Variants in ALG1 observed in about 807,000 individuals in gnomAD.
ALG1 encodes the protein chitobiosyldiphosphodolichol beta-mannosyltransferase.
In ALG1, 58 loss-of-function variants were observed where a neutral mutation model predicts 55.1. The observed-to-expected ratio is 1.05, with a 90% CI of 0.85 to 1.31. The LOEUF is 1.31. Ranked by LOEUF, ALG1 falls within the 50% of genes most tolerant of loss-of-function variation. The pLI is 0.00. For missense variants in ALG1, 761 were observed against 598.6 expected (o/e 1.27, Z -2.83); for synonymous variants, 309 against 247.0 (o/e 1.25, Z -2.35).
intron 8 of ALG1, among the ~76,000 whole-genome samples, chr16:5,079,525 C>A (rs1307043947): frequency 6.6e-6 from 1 of 152,142 alleles, no homozygotes; most frequent in African/African-American, 2.4e-5. Context: ...CCTGTCTCTA[C>A]TAAAAATACA....
chr16:5,071,843 A>G lies in ALG1; in HGVS notation c.-7A>G, dbSNP rs1464960632. Reference sequence around the variant, plus strand: ...CGCGGTCACGTGACTGCTGCGGGCCAGCCAAGATGGCGGCCTCATGCTTGG... The same window carrying G: ...CGCGGTCACGTGACTGCTGCGGGCCGGCCAAGATGGCGGCCTCATGCTTGG... On this transcript the variant is annotated 5_prime_UTR_variant, in exon 1 of 13. Coordinates refer to ENST00000262374, the MANE Select transcript of ALG1 (RefSeq NM_019109.5). The G allele has an allele frequency of 9.4e-6, 15 of 1,603,326 alleles. No individual in the cohort carries two copies. Among genetic ancestry groups the G allele is most frequent in the Admixed American group, 1.7e-5 (1 of 59,872 alleles).
intron 4 of ALG1, among the ~76,000 whole-genome samples, chr16:5,076,661 TAGG>T (rs1407261607): frequency 6.6e-6 from 1 of 152,242 alleles, no homozygotes; most frequent in Non-Finnish European, 1.5e-5. Flanking sequence ...CAGTCTCCGT[TAGG>T]AGAGAATGTG....
Position 5,073,239 on chromosome 16 carries a change from G to T in ALG1, c.373G>T (p.Ala125Ser), listed in dbSNP as rs201490870. 1 of 1,614,142 alleles carries T rather than the reference G, an allele frequency of 6.2e-7. No homozygotes were observed. The highest frequency in any genetic ancestry group is 1.3e-5 in the African/African-American group (1 of 75,054). Residue 125 changes from alanine (A) to serine (S), a missense_variant, in exon 3 of 13, where the codon GCC (alanine) becomes TCC (serine). Coordinates refer to ENST00000262374, the MANE Select transcript of ALG1 (RefSeq NM_019109.5). ...GAAGTTGATGTGGAGGGAGCCAGGT[G>T]CCTATATCTTTCTCCAGGTGTGTAT... is the stretch of plus-strand genomic sequence containing the variant. ...LWKLMWREPGAYIFLQNPPGL... is the reference protein window; with the variant it reads ...LWKLMWREPGSYIFLQNPPGL...
At chr16:5,079,268 T>C (rs1236941263) in intron 8 of ALG1, among the ~76,000 whole-genome samples, 166 bp downstream of exon 8, 3 of 152,194 alleles carry the variant, frequency 2.0e-5, no homozygotes, top group Admixed American at 6.5e-5. Flanking sequence ...AGTTGGGTCA[T>C]TGAGTGACCA....
intron 3 of ALG1, among the ~76,000 whole-genome samples, chr16:5,074,373 C>G (rs1956870871): frequency 6.6e-6 from 1 of 152,140 alleles, no homozygotes; most frequent in African/African-American, 2.4e-5. Flanking sequence ...TGGTCTTGAA[C>G]TCCTGACCTC....
In ALG1 at chr16:5,085,778, A is replaced by C; in HGVS notation, c.*897A>C. On this transcript the variant is annotated 3_prime_UTR_variant, in exon 13 of 13. Transcript: ENST00000262374. ...TTTGAGGATGGCGGTGTTTGGGGAC[A>C]GGACATGAGGGTATTGTGTGGGGCT... 7.0e-7 allele frequency: 1 copy of C among 1,426,122 alleles called. No individual in the cohort carries two copies. Among genetic ancestry groups the C allele is most frequent in the Non-Finnish European group, 9.9e-7 (1 of 1,010,732 alleles). 88.3% of individuals were successfully genotyped at this position (1,426,122 alleles called of 1,614,324 possible). A position where few individuals can be genotyped will look rare whatever the true frequency, so the allele number is the denominator to read the frequency against.
chr16:5,080,336 A>G (rs1956995542), intron 9 of ALG1, among the ~76,000 whole-genome samples: 1 of 152,162 alleles, frequency 6.6e-6, no homozygotes, highest in South Asian at 2.1e-4. Flanking sequence ...ATATGCTGGA[A>G]TTACAGGCAC....
At position 5,078,833 on chromosome 16, in the gene ALG1, C is replaced by T. The variant is rs142044791; in HGVS notation, c.817C>T (p.Leu273Phe). Residue 273 changes from leucine (L) to phenylalanine (F), a missense_variant, in exon 7 of 13, where the codon CTC (leucine) becomes TTC (phenylalanine). Leu to Phe is a conservative substitution (Grantham distance 22). Coordinates refer to ENST00000262374, the MANE Select transcript of ALG1 (RefSeq NM_019109.5). ...TGCTGGGAGCGGGCTGGTGACGCGT[C>T]TCCGTGAGCGGCCAGCCCTGCTGGT... ...RDAGSGLVTR[L>F]RERPALLVSS... is the part of the protein sequence containing the mutation. 5 of 1,612,162 alleles carry T rather than the reference C, an allele frequency of 3.1e-6. No individual in the cohort carries two copies.
chr16:5,083,458 T>C (rs917738845), intron 11 of ALG1, among the ~76,000 whole-genome samples: 2 of 152,074 alleles, frequency 1.3e-5, no homozygotes, highest in African/African-American at 4.8e-5. Flanking sequence ...AAACCCCCCT[T>C]AAGGCTCCCT....
intron 10 of ALG1, among the ~76,000 whole-genome samples, chr16:5,081,570 C>T (rs1957018078): frequency 6.6e-6 from 1 of 152,192 alleles, no homozygotes; most frequent in Non-Finnish European, 1.5e-5. Context: ...CAGGACTCTC[C>T]ACCTAGTCTT....
intron 4 of ALG1, among the ~76,000 whole-genome samples, chr16:5,076,092 G>A (rs1187977846): frequency 6.6e-6 from 1 of 152,234 alleles, no homozygotes; most frequent in Non-Finnish European, 1.5e-5. Context: ...TGATGTGACA[G>A]GGAGGGAAGA....
In ALG1 at chr16:5,083,713, G is replaced by A. The variant is rs1365342332; in HGVS notation, c.1219G>A (p.Gly407Ser). 2 of 1,599,316 alleles carry A rather than the reference G, an allele frequency of 1.3e-6. No individual in the cohort carries two copies. The highest frequency in any genetic ancestry group is 2.2e-5 in the East Asian group (1 of 44,874). ...LHELVKHEEN[G>S]LVFEDSEELA... ...TGAGCTGGTGAAACATGAAGAAAAT[G>A]GCCTGGTCTTTGAGGACTCAGAGGA... Residue 407 changes from glycine (G) to serine (S), a missense_variant, in exon 12 of 13, where the codon GGC becomes AGC. Gly to Ser is a moderately conservative substitution (Grantham distance 56, BLOSUM62 0). Coordinates refer to ENST00000262374, the MANE Select transcript of ALG1 (RefSeq NM_019109.5).
chr16:5,077,723 G>C (rs1334610034), intron 5 of ALG1, among the ~76,000 whole-genome samples, 184 bp from the exon 6 acceptor site: 1 of 152,162 alleles, frequency 6.6e-6, no homozygotes, highest in East Asian at 1.9e-4. Context: ...CCAGCCAGGG[G>C]GTCCAGGCAG....
chr16:5,084,957 C>G lies in ALG1; in HGVS notation c.*76C>G, dbSNP rs1047674. 3.0e-5 allele frequency: 48 copies of G among 1,594,742 alleles called. No homozygotes were observed. Among genetic ancestry groups the G allele is most frequent in the Non-Finnish European group, 3.9e-5 (46 of 1,178,266 alleles). On this transcript the variant is annotated 3_prime_UTR_variant, in exon 13 of 13. Transcript: ENST00000262374. ...CTTCTTCTTGGAGTCTCAGGGCAAA[C>G]CCTTTCGAGCAGCACCTCCCAGTGG...
chr16:5,075,205 A>G (rs367600962), intron 3 of ALG1, among the ~76,000 whole-genome samples, 183 bp from the exon 4 acceptor site: 8 of 152,154 alleles, frequency 5.3e-5, no homozygotes, highest in African/African-American at 1.2e-4. Context: ...CACCTGGCCC[A>G]TTCTGTTTCT....
chr16:5,080,898 G>T (rs1289597327), intron 9 of ALG1, 48 bp from the exon 10 acceptor site: 2 of 1,589,468 alleles, frequency 1.3e-6, no homozygotes, highest in South Asian at 2.2e-5. Flanking sequence ...GGGCCACGTG[G>T]CAGGGACAGA....
rs1957117627 is a variant in ALG1, at chr16:5,085,341, C to G, written c.*460C>G. 4 of 500,280 alleles carry G rather than the reference C, an allele frequency of 8.0e-6. No individual in the cohort carries two copies. Among genetic ancestry groups the G allele is most frequent in the Non-Finnish European group, 1.5e-5 (4 of 272,374 alleles). 31.0% of individuals were successfully genotyped at this position (500,280 alleles called of 1,614,324 possible). On this transcript the variant is annotated 3_prime_UTR_variant, in exon 13 of 13. Coordinates refer to ENST00000262374, the MANE Select transcript of ALG1 (RefSeq NM_019109.5). ...GTGTCCACGTTGGGGGAACATCATA[C>G]TTGATACACACGTTTTTATTTGCAC...
chr16:5,081,011 G>A lies in ALG1; in HGVS notation c.1027G>A (p.Val343Ile), dbSNP rs1210420141. ...CCAGAAGCACTTCCAGCACATCCAGGTCTGCACCCCCTGGCTGGAGGCCGA... is the reference window on the plus strand; with the variant it reads ...CCAGAAGCACTTCCAGCACATCCAGATCTGCACCCCCTGGCTGGAGGCCGA... ...IHQKHFQHIQ[V>I]CTPWLEAEDY... is the part of the protein sequence containing the mutation. Residue 343 changes from valine to isoleucine, a missense_variant, in exon 10 of 13, where the codon GTC (valine) becomes ATC (isoleucine). Physicochemically the swap from Val to Ile is conservative, Grantham distance 29 (BLOSUM62 3). Transcript: ENST00000262374. 1 of 1,596,114 alleles carries A rather than the reference G, an allele frequency of 6.3e-7. No individual in the cohort carries two copies. The highest frequency in any genetic ancestry group is 2.2e-5 in the East Asian group (1 of 44,844).
At chr16:5,072,116 A>G (rs1345553460) in intron 1 of ALG1, 59 bp downstream of exon 1, 4 of 1,549,912 alleles carry the variant, frequency 2.6e-6, no homozygotes, top group East Asian at 2.4e-5. Context: ...CCTCGGTTCT[A>G]ACCGCCCCGG....
Sources: gnomAD v4.1 joint callset for allele counts (sites outside exome capture counted in the v4.1 genomes callset) on GRCh38, gnomAD v4.1.1 for gene constraint, MANE v1.5 for transcripts, NCBI Gene and HGNC (gene_info 2026-07-23, HGNC 2026-07-21) for gene names.